MSR1: variants seen among roughly 807,000 people sequenced by gnomAD.
The protein encoded by MSR1 is macrophage scavenger receptor types I and II.
In MSR1, 53 loss-of-function variants were observed where a neutral mutation model predicts 47.2. The observed-to-expected ratio is 1.12, with a 90% CI of 0.90 to 1.41. The LOEUF (loss-of-function observed/expected upper bound fraction) is 1.41, where lower values mean the gene tolerates loss of function less well. Ranked by LOEUF, MSR1 falls within the 40% of genes most tolerant of loss-of-function variation. The pLI, the probability that MSR1 is intolerant of heterozygous loss-of-function variation, is 0.00. For synonymous variants in MSR1, 239 were observed against 185.6 expected, an observed-to-expected ratio of 1.29 and a Z score of -2.34; for missense variants, 786 against 546.9, an observed-to-expected ratio of 1.44 and a Z score of -4.36.
chr8:16,135,675 C>T (rs1800371597), intron 8 of MSR1, among the ~76,000 whole-genome samples: 1 of 152,090 alleles, frequency 6.6e-6, no homozygotes. Flanking sequence ...GAGAGTGATT[C>T]CTCTGATGTG....
chr8:16,114,876 G>T (rs578062363), intron 9 of MSR1, among the ~76,000 whole-genome samples: 3 of 152,188 alleles, frequency 2.0e-5, no homozygotes, highest in Admixed American at 1.3e-4. Flanking sequence ...TAAAAAGAGG[G>T]TTCATTTAAA....
chr8:16,188,408 T>C (rs761421550), intron 1 of MSR1, among the ~76,000 whole-genome samples: 2 of 152,186 alleles, frequency 1.3e-5, no homozygotes, highest in Non-Finnish European at 2.9e-5. Flanking sequence ...ACATAGTTCA[T>C]ATCATCATGC....
chr8:16,126,843 C>T (rs1800140574), intron 8 of MSR1, among the ~76,000 whole-genome samples: 1 of 152,080 alleles, frequency 6.6e-6, no homozygotes, highest in African/African-American at 2.4e-5. Context: ...AGACATGAGC[C>T]ACTGCACCCG....
Position 16,155,118 on chromosome 8 carries a change from C to A in MSR1, c.844G>T (p.Gly282Ter). The A allele has an allele frequency of 3.1e-6, 5 of 1,611,950 alleles. No individual in the cohort carries two copies. The highest frequency in any genetic ancestry group is 4.2e-6 in the Non-Finnish European group (5 of 1,178,622). ...CTTTCTCCAGTGGGACCTCGATCTC[C>A]TTTTTCACCCGGGGGTCCAGGAGGA... is the stretch of plus-strand genomic sequence containing the variant. ...QGPPGPPGEK[G>*]DRGPTGESGP... Residue 282 changes from glycine (G) to a stop codon, truncating the protein, a stop_gained, in exon 6 of 10, where the codon GGA becomes TGA. Coordinates refer to ENST00000262101, the MANE Select transcript of MSR1 (RefSeq NM_138715.3). LOFTEE classifies it high-confidence loss of function.
rs530405288 is a variant in MSR1, at chr8:16,186,103, T to C, written c.-5+6495A>G. The C allele has an allele frequency of 5.0e-6, 7 of 1,391,102 alleles. No homozygotes were observed. In the East Asian group the frequency reaches 1.3e-4, roughly 25 times the overall value. 86.2% of individuals were successfully genotyped at this position (1,391,102 alleles called of 1,614,324 possible). ...TAAAACCTTGCAAGATTGGCAGTAA[T>C]AAATGTATAAAAATGAAAGTCCCTG... is the stretch of plus-strand genomic sequence containing the variant. On this transcript the variant is annotated intron_variant, in intron 1 of 9. Transcript: ENST00000262101.
intron 1 of MSR1, among the ~76,000 whole-genome samples, chr8:16,180,185 A>T: frequency 6.9e-6 from 1 of 145,852 alleles, no homozygotes; most frequent in Non-Finnish European, 1.5e-5. Flanking sequence ...TCTCTCATTC[A>T]CTCTTTCACT....
chr8:16,158,208 C>T (rs1001671857), intron 5 of MSR1, among the ~76,000 whole-genome samples: 1 of 151,906 alleles, frequency 6.6e-6, no homozygotes, highest in African/African-American at 2.4e-5. Context: ...TTTCCAATTA[C>T]AGTTACAGGA....
At chr8:16,112,360 G>A (rs1459581369) in intron 9 of MSR1, among the ~76,000 whole-genome samples, 1 of 152,132 alleles carries the variant, frequency 6.6e-6, no homozygotes, top group Non-Finnish European at 1.5e-5. Context: ...GAGAAAGGGT[G>A]TATGACTTTC....
chr8:16,112,287 T>C (rs960534876), intron 9 of MSR1, among the ~76,000 whole-genome samples: 1 of 152,194 alleles, frequency 6.6e-6, no homozygotes, highest in Non-Finnish European at 1.5e-5. Context: ...AAATTTACTT[T>C]TTATAATAAC....
chr8:16,133,558 T>G (rs1800314816), intron 8 of MSR1, among the ~76,000 whole-genome samples: 1 of 152,170 alleles, frequency 6.6e-6, no homozygotes, highest in African/African-American at 2.4e-5. Flanking sequence ...AAGCCTAGGT[T>G]ACCATTCTTT....
At chr8:16,129,823 T>C (rs1369478417) in intron 8 of MSR1, among the ~76,000 whole-genome samples, 2 of 152,076 alleles carry the variant, frequency 1.3e-5, no homozygotes, top group Non-Finnish European at 2.9e-5. Context: ...GGGCAAATAA[T>C]AGGCTGTGAG....
chr8:16,177,351 G>T lies in MSR1; in HGVS notation c.103+535C>A, dbSNP rs34739108. On this transcript the variant is annotated intron_variant, in intron 2 of 9. Coordinates refer to ENST00000262101, the MANE Select transcript of MSR1 (RefSeq NM_138715.3). ...ACAGAGAGAAGACCATACGAAGAAG[G>T]CGGGAAAGATGAGTGGTGCAGCTAC... Among the ~76,000 whole-genome samples the T allele has an allele frequency of 4.0e-3, 607 of 152,140 alleles. 3 individuals carry two copies. The highest frequency in any genetic ancestry group is 0.017 in the Admixed American group (258 of 15,274).
chr8:16,154,385 T>A (rs1459904374), intron 6 of MSR1, among the ~76,000 whole-genome samples: 1 of 151,972 alleles, frequency 6.6e-6, no homozygotes, highest in African/African-American at 2.4e-5. Flanking sequence ...CAAAGAAAGT[T>A]CATGTTCTCT....
chr8:16,110,265 T>G (rs2117042178), intron 9 of MSR1, 47 bp from the exon 10 acceptor site: 1 of 1,606,696 alleles, frequency 6.2e-7, no homozygotes, highest in South Asian at 1.1e-5. Flanking sequence ...GAGTTTAGTG[T>G]TTCTCTTTGA....
Position 16,109,904 on chromosome 8 carries a change from T to G in MSR1, c.*181A>C. 2 of 692,214 alleles carry G rather than the reference T, an allele frequency of 2.9e-6. No individual in the cohort carries two copies. Among genetic ancestry groups the G allele is most frequent in the Non-Finnish European group, 4.7e-6 (2 of 424,112 alleles). The allele number at this position is 692,214 out of a possible 1,614,324, so 42.9% of individuals were successfully genotyped here. A position where few individuals can be genotyped will look rare whatever the true frequency, so the allele number is the denominator to read the frequency against. On this transcript the variant is annotated 3_prime_UTR_variant, in exon 10 of 10. Coordinates refer to ENST00000262101, the MANE Select transcript of MSR1 (RefSeq NM_138715.3). ...AAAAACCTATAGAAGTTAAAATGATTTAAATATAGACATAAAATAGTAAGC... is the reference window on the plus strand; with the variant it reads ...AAAAACCTATAGAAGTTAAAATGATGTAAATATAGACATAAAATAGTAAGC...
chr8:16,167,315 G>A (rs954730740), intron 4 of MSR1, among the ~76,000 whole-genome samples: 12 of 152,202 alleles, frequency 7.9e-5, no homozygotes, highest in East Asian at 1.9e-4. Flanking sequence ...AGGCCAAGAC[G>A]GGCAGATCAC....
chr8:16,136,240 G>T (rs1408198058), intron 8 of MSR1, among the ~76,000 whole-genome samples: 1 of 152,160 alleles, frequency 6.6e-6, no homozygotes, highest in Non-Finnish European at 1.5e-5. Flanking sequence ...ATATTTCATT[G>T]TTGTCTTAAG....
In MSR1 at chr8:16,132,244, G is replaced by A. The variant is rs147018949; in HGVS notation, c.1033+11314C>T. Reference sequence around the variant, plus strand: ...TATTCCTAGGAATTTTATTCTTTTTGTGGCAATTGTGAATGGGGTTGCATT... The same window carrying A: ...TATTCCTAGGAATTTTATTCTTTTTATGGCAATTGTGAATGGGGTTGCATT... On this transcript the variant is annotated intron_variant, in intron 8 of 9. Coordinates refer to ENST00000262101, the MANE Select transcript of MSR1 (RefSeq NM_138715.3). Among the ~76,000 whole-genome samples, 792 of 151,924 alleles carry A rather than the reference G, an allele frequency of 5.2e-3. 9 individuals carry two copies. The highest frequency in any genetic ancestry group is 0.018 in the African/African-American group (763 of 41,454).
intron 1 of MSR1, among the ~76,000 whole-genome samples, chr8:16,190,154 T>A (rs1220901540): frequency 1.3e-5 from 2 of 152,110 alleles, no homozygotes. Context: ...CTCCTTGGCC[T>A]CCCAAAGTGC....
Sources: allele counts gnomAD v4.1 joint callset (sites outside exome capture counted in the v4.1 genomes callset), GRCh38; gene constraint gnomAD v4.1.1; transcripts MANE v1.5; gene names NCBI Gene and HGNC (gene_info 2026-07-23, HGNC 2026-07-21).